The following IGLON5 variants were observed in gnomAD, a reference collection of about 807,000 sequenced individuals.
The protein encoded by IGLON5 is IgLON family member 5, also known as Ig-like domain-containing protein ENSP00000270642.
Under a neutral mutation model 38.2 loss-of-function variants are expected in IGLON5, and 16 were observed. The ratio of observed to expected loss-of-function variants is 0.42; its 90% CI spans 0.28 to 0.64. The LOEUF (loss-of-function observed/expected upper bound fraction) is 0.64. Ranked by LOEUF, IGLON5 falls within the 30% of genes least tolerant of loss-of-function variation. The pLI is 0.23. For synonymous variants in IGLON5, 207 were observed against 216.4 expected (o/e 0.96, Z 0.38); for missense variants, 366 against 483.4 (o/e 0.76, Z 2.28).
Position 51,327,597 on chromosome 19 carries a change from T to G in IGLON5, c.768-135T>G. 1 of 1,281,910 alleles carries G rather than the reference T, an allele frequency of 7.8e-7. No individual in the cohort carries two copies. Among genetic ancestry groups the G allele is most frequent in the East Asian group, 2.6e-5 (1 of 39,070 alleles). 79.4% of individuals were successfully genotyped at this position (1,281,910 alleles called of 1,614,324 possible). A position where few individuals can be genotyped will look rare whatever the true frequency, so the allele number is the denominator to read the frequency against. Reference sequence around the variant, plus strand: ...TGGGAGTGACCCGAGGTACATGAGGTGCTAGAACCCGAGGCGATGGGTCAC... The same window carrying G: ...TGGGAGTGACCCGAGGTACATGAGGGGCTAGAACCCGAGGCGATGGGTCAC... On this transcript the variant is annotated intron_variant, in intron 6 of 7. Coordinates refer to ENST00000270642, the MANE Select transcript of IGLON5 (RefSeq NM_001101372.3). The surrounding 1 kb of genome is among the most constrained non-coding windows in gnomAD (Gnocchi z 7.1).
At chr19:51,318,254 C>CCT (rs1984969404) in intron 1 of IGLON5, among the ~76,000 whole-genome samples, 1 of 152,206 alleles carries the variant, frequency 6.6e-6, no homozygotes, top group South Asian at 2.1e-4. Context: ...TTTCCCAAGG[C>CCT]CTCTGGTGGG....
intron 1 of IGLON5, among the ~76,000 whole-genome samples, chr19:51,318,230 C>T (rs976035756): frequency 6.6e-6 from 1 of 152,200 alleles, no homozygotes; most frequent in Non-Finnish European, 1.5e-5. Flanking sequence ...TTATATTCAT[C>T]CATTCAACAA....
chr19:51,326,742 C>G, intron 4 of IGLON5, 22 bp from the exon 5 acceptor site: 1 of 1,518,728 alleles, frequency 6.6e-7, no homozygotes. Context: ...GCCCCGCCCC[C>G]TCCTCCTCCT....
chr19:51,314,783 C>T (rs1204264357), intron 1 of IGLON5, among the ~76,000 whole-genome samples: 1 of 152,200 alleles, frequency 6.6e-6, no homozygotes, highest in Non-Finnish European at 1.5e-5. Context: ...GTCCAAGTTA[C>T]AAGAGGAATA....
chr19:51,327,014 G>T lies in IGLON5; in HGVS notation c.647-66G>T. ...ACTTACGGGCCTGAGGGAGGCGGGG[G>T]CTGGGGGCGGGACCCCTTCGTCCCC... On this transcript the variant is annotated intron_variant, in intron 5 of 7. Coordinates refer to ENST00000270642, the MANE Select transcript of IGLON5 (RefSeq NM_001101372.3). This position sits in a 1 kb window ranked among gnomAD's most constrained non-coding sequence, Gnocchi z 7.1. The T allele has an allele frequency of 6.3e-7, 1 of 1,596,170 alleles. No individual in the cohort carries two copies.
chr19:51,329,463 C>T lies in IGLON5; in HGVS notation c.*704C>T. ...TTCCCTGCTGTCAACCACCAGCTTC[C>T]TGTAGCCAGAGGCCCCATCGCTGGC... On this transcript the variant is annotated 3_prime_UTR_variant, in exon 8 of 8. Coordinates refer to ENST00000270642, the MANE Select transcript of IGLON5 (RefSeq NM_001101372.3). The surrounding 1 kb of genome is among the most constrained non-coding windows in gnomAD (Gnocchi z 4.3). 1 of 152,304 alleles carries T rather than the reference C, an allele frequency of 6.6e-6. No homozygotes were observed. Among genetic ancestry groups the T allele is most frequent in the Admixed American group, 6.5e-5 (1 of 15,292 alleles). The allele number at this position is 152,304 out of a possible 1,614,324, so 9.4% of individuals were successfully genotyped here. A position where few individuals can be genotyped will look rare whatever the true frequency, so the allele number is the denominator to read the frequency against.
intron 1 of IGLON5, among the ~76,000 whole-genome samples, chr19:51,316,455 G>T (rs1405558560): frequency 6.9e-6 from 1 of 144,914 alleles, no homozygotes; most frequent in East Asian, 1.9e-4. Flanking sequence ...AATGCCCTCA[G>T]ATTTTTTCTT....
chr19:51,326,937 C>T (rs1158481892), intron 5 of IGLON5, 39 bp downstream of exon 5: 3 of 1,571,510 alleles, frequency 1.9e-6, no homozygotes, highest in South Asian at 1.2e-5. Context: ...GGGTGGCGGA[C>T]CCCCGAGTCC....
chr19:51,326,659 C>G, intron 4 of IGLON5, 105 bp from the exon 5 acceptor site: 1 of 559,896 alleles, frequency 1.8e-6, no homozygotes, highest in Non-Finnish European at 2.9e-6. Context: ...GCACTCCAGG[C>G]CTTGCCGTGC....
chr19:51,319,361 A>G (rs991078653), intron 1 of IGLON5, among the ~76,000 whole-genome samples: 5 of 151,426 alleles, frequency 3.3e-5, no homozygotes, highest in Non-Finnish European at 7.4e-5. Flanking sequence ...CACAGGAGAC[A>G]ACATGACCTG....
rs1368387866 is a variant in IGLON5 at position 51,327,691 on chromosome 19, C to T, written c.768-41C>T. The T allele has an allele frequency of 1.3e-6, 2 of 1,542,720 alleles. No homozygotes were observed. ...CCTGAGAGTCGGGGGGCTGGCCTGG[C>T]TGGGCGCTGCGGCCCGGCCCCTGAC... On this transcript the variant is annotated intron_variant, in intron 6 of 7. Transcript: ENST00000270642. This position sits in a 1 kb window ranked among gnomAD's most constrained non-coding sequence, Gnocchi z 7.1.
intron 1 of IGLON5, 33 bp downstream of exon 1, chr19:51,311,959 G>A: frequency 8.4e-7 from 1 of 1,184,636 alleles, no homozygotes; most frequent in Non-Finnish European, 1.1e-6. Flanking sequence ...GGGCTCGGCC[G>A]GGACGCCAGG....
chr19:51,315,853 G>A (rs956206443), intron 1 of IGLON5, among the ~76,000 whole-genome samples: 2 of 151,626 alleles, frequency 1.3e-5, no homozygotes, highest in Non-Finnish European at 2.9e-5. Flanking sequence ...CCACCACCAC[G>A]CCTGGCTAAT....
At chr19:51,312,723 G>A (rs1329101966) in intron 1 of IGLON5, among the ~76,000 whole-genome samples, 4 of 258 alleles carry the variant, frequency 0.016, no homozygotes, top group Non-Finnish European at 0.027. Flanking sequence ...GGAAGGGAAG[G>A]GTTAAAGCAG....
At chr19:51,319,523 A>G (rs973246934) in intron 1 of IGLON5, among the ~76,000 whole-genome samples, 1 of 151,804 alleles carries the variant, frequency 6.6e-6, no homozygotes, top group African/African-American at 2.4e-5. Flanking sequence ...GTGTCTGTGT[A>G]ACCAGTTAGG....
rs1251803779 is a variant in IGLON5 at position 51,330,800 on chromosome 19, G to T, written c.*2041G>T. ...GAAACCTTAGAGAAACTGAGTCCATGATTATATATCATTTGAGCAGCTGGA... is the reference window on the plus strand; with the variant it reads ...GAAACCTTAGAGAAACTGAGTCCATTATTATATATCATTTGAGCAGCTGGA... On this transcript the variant is annotated 3_prime_UTR_variant, in exon 8 of 8. Transcript: ENST00000270642. 6.8e-6 allele frequency among the ~76,000 whole-genome samples: 1 copy of T among 147,194 alleles called. No individual in the cohort carries two copies. The highest frequency in any genetic ancestry group is 2.7e-5 in the African/African-American group (1 of 37,662).
At chr19:51,318,846 G>T (rs1467801980) in intron 1 of IGLON5, among the ~76,000 whole-genome samples, 1 of 152,176 alleles carries the variant, frequency 6.6e-6, no homozygotes, top group African/African-American at 2.4e-5. Flanking sequence ...AGGAGCCCTG[G>T]AGCCCCTGAA....
At chr19:51,314,949 GA>G (rs1984880090) in intron 1 of IGLON5, among the ~76,000 whole-genome samples, 1 of 152,104 alleles carries the variant, frequency 6.6e-6, no homozygotes, top group Non-Finnish European at 1.5e-5. Flanking sequence ...ACGACACACA[GA>G]GGACAACATA....
At chr19:51,320,485 C>G (rs541272395) in intron 1 of IGLON5, among the ~76,000 whole-genome samples, 2 of 152,222 alleles carry the variant, frequency 1.3e-5, no homozygotes, top group African/African-American at 4.8e-5. Flanking sequence ...CTCCGCATGC[C>G]CAGCCCCCAC....
Sources: allele counts gnomAD v4.1 joint callset (sites outside exome capture counted in the v4.1 genomes callset), GRCh38; gene constraint gnomAD v4.1.1; non-coding constraint Gnocchi (gnomAD v3.1); transcripts MANE v1.5; gene names NCBI Gene and HGNC (gene_info 2026-07-23, HGNC 2026-07-21).